Variants in PALM3 observed in about 807,000 individuals in gnomAD.
PALM3 encodes paralemmin-3.
In PALM3, 20 loss-of-function variants were observed where a neutral mutation model predicts 27.9. That is an observed-to-expected ratio of 0.72 (90% CI 0.50 to 1.04). The LOEUF is 1.04. Ranked by LOEUF, PALM3 falls within the 50% of genes least tolerant of loss-of-function variation. The pLI, the probability that PALM3 is intolerant of heterozygous loss-of-function variation, is 0.00. For synonymous variants in PALM3, 328 were observed against 352.7 expected, an observed-to-expected ratio of 0.93 and a Z score of 0.79; for missense variants, 814 against 869.4, an observed-to-expected ratio of 0.94 and a Z score of 0.80.
Position 14,054,480 on chromosome 19 carries a change from T to G in PALM3, c.1192A>C (p.Lys398Gln), listed in dbSNP as rs148708853. The G allele has an allele frequency of 1.9e-6, 3 of 1,551,490 alleles. No homozygotes were observed. The East Asian group carries it at 7.3e-5, about 38-fold the overall frequency. ...DESPLGAEGA[K>Q]TGGGEETWEA... is the part of the protein sequence containing the mutation. ...CAGGTCTCCTCGCCTCCTCCCGTCT[T>G]GGCCCCCTCGGCCCCCAGCGGGCTT... Residue 398 changes from lysine to glutamine, a missense_variant, in exon 7 of 7, where the codon AAG (lysine) becomes CAG (glutamine). Physicochemically the swap from Lys to Gln is moderately conservative, Grantham distance 53. Coordinates refer to ENST00000669674, the MANE Select transcript of PALM3 (RefSeq NM_001145028.2).
chr19:14,056,695 G>A lies in PALM3; in HGVS notation c.281C>T (p.Ala94Val). Residue 94 changes from alanine to valine, a missense_variant, in exon 4 of 7, where the codon GCC becomes GTC. Coordinates refer to ENST00000669674, the MANE Select transcript of PALM3 (RefSeq NM_001145028.2). ...DPQSPEGQAQ[A>V]RIRNLEDSLF... ...ACTGTCTTCCAGGTTCCGGATTCGG[G>A]CCTGAGCCTGGCCCTCGGGTGACTG... 1.3e-6 allele frequency: 2 copies of A among 1,551,744 alleles called. No homozygotes were observed. The highest frequency in any genetic ancestry group is 1.7e-6 in the Non-Finnish European group (2 of 1,147,000).
Position 14,054,653 on chromosome 19 carries a change from C to T in PALM3, c.1019G>A (p.Ser340Asn). The T allele has an allele frequency of 2.6e-6, 4 of 1,551,302 alleles. No individual in the cohort carries two copies. Among genetic ancestry groups the T allele is most frequent in the Non-Finnish European group, 3.5e-6 (4 of 1,146,704 alleles). Residue 340 changes from serine to asparagine, a missense_variant, in exon 7 of 7, where the codon AGC becomes AAC. By Grantham distance (46) the Ser-to-Asn change is conservative (BLOSUM62 1). Coordinates refer to ENST00000669674, the MANE Select transcript of PALM3 (RefSeq NM_001145028.2). The stretch of plus-strand genomic sequence containing the variant: ...GCCTCCCTGCCCATCACCCTCAGGG[C>T]TGCCCTGGGGCACATCTTCCCCTTC... ...SIEGEDVPQGSPEGDGQGGSG... is the reference protein window; with the variant it reads ...SIEGEDVPQGNPEGDGQGGSG...
At chr19:14,060,264 G>A (rs546457887) in intron 1 of PALM3, among the ~76,000 whole-genome samples, 1 of 151,870 alleles carries the variant, frequency 6.6e-6, no homozygotes, top group Non-Finnish European at 1.5e-5. Flanking sequence ...TGGCCACAAC[G>A]TGAAGGCTAT....
rs1314333932 is a variant in PALM3 at position 14,053,748 on chromosome 19, C to A, written c.1924G>T (p.Gly642Trp). 2 of 1,534,474 alleles carry A rather than the reference C, an allele frequency of 1.3e-6. No individual in the cohort carries two copies. The highest frequency in any genetic ancestry group is 1.8e-6 in the Non-Finnish European group (2 of 1,139,270). Residue 642 changes from glycine (G) to tryptophan (W), a missense_variant, in exon 7 of 7, where the codon GGG becomes TGG. Coordinates refer to ENST00000669674, the MANE Select transcript of PALM3 (RefSeq NM_001145028.2). ...CTGGGGTTGGCGCTGGGCCCCTCCC[C>A]CTGAAGCAGTGGCTGGCATTCGGCG... is the stretch of plus-strand genomic sequence containing the variant. ...QPAECQPLLQ[G>W]EGPSANPSAH...
chr19:14,058,385 T>G, intron 2 of PALM3, among the ~76,000 whole-genome samples: 2 of 103,024 alleles, frequency 1.9e-5, no homozygotes, highest in Admixed American at 1.1e-4. Flanking sequence ...GTTCCATAGA[T>G]GGGGAATAAA....
rs1599311721 is a variant in PALM3, at chr19:14,062,011, G to C, written c.-31C>G. ...CCCAGAAGTTCACTTTCTGGTCTCC[G>C]AGTTCTGGACCCACCACCCGCTTGC... is the stretch of plus-strand genomic sequence containing the variant. On this transcript the variant is annotated 5_prime_UTR_variant, in exon 1 of 7. Transcript: ENST00000669674. 4 of 985,136 alleles carry C rather than the reference G, an allele frequency of 4.1e-6. No homozygotes were observed. 61.0% of individuals were successfully genotyped at this position (985,136 alleles called of 1,614,324 possible).
In PALM3 at chr19:14,056,681, G is replaced by C; in HGVS notation, c.295C>G (p.Leu99Val). The change falls in exon 4 of 7, where the codon CTG (leucine) becomes GTG (valine). Residue 99 changes from leucine (L) to valine (V), a missense_variant. Transcript: ENST00000669674. Reference sequence around the variant, plus strand: ...ACTCACGTGAACAAACTGTCTTCCAGGTTCCGGATTCGGGCCTGAGCCTGG... The same window carrying C: ...ACTCACGTGAACAAACTGTCTTCCACGTTCCGGATTCGGGCCTGAGCCTGG... ...EGQAQARIRN[L>V]EDSLFTLQSQ... The C allele has an allele frequency of 6.4e-7, 1 of 1,551,774 alleles. No homozygotes were observed. Among genetic ancestry groups the C allele is most frequent in the Non-Finnish European group, 8.7e-7 (1 of 1,147,004 alleles).
intron 1 of PALM3, among the ~76,000 whole-genome samples, chr19:14,060,558 T>C (rs1976396800): frequency 6.6e-6 from 1 of 152,150 alleles, no homozygotes; most frequent in African/African-American, 2.4e-5. Flanking sequence ...GTCCATTTTA[T>C]GGATGGGAAA....
Position 14,053,927 on chromosome 19 carries a change from T to A in PALM3, c.1745A>T (p.Glu582Val), listed in dbSNP as rs1179539520. Residue 582 changes from glutamate (E) to valine (V), a missense_variant, in exon 7 of 7, where the codon GAG becomes GTG. Physicochemically the swap from Glu to Val is moderately radical, Grantham distance 121. Coordinates refer to ENST00000669674, the MANE Select transcript of PALM3 (RefSeq NM_001145028.2). ...EAGPPLEANTETRPEKEGPQP... is the reference protein window; with the variant it reads ...EAGPPLEANTVTRPEKEGPQP... ...GGGTCCTTCCTTCTCTGGCCTTGTC[T>A]CCGTGTTAGCCTCAAGGGGAGGCCC... The A allele has an allele frequency of 6.4e-7, 1 of 1,551,562 alleles. No individual in the cohort carries two copies. The highest frequency in any genetic ancestry group is 1.4e-5 in the African/African-American group (1 of 73,020).
chr19:14,056,496 T>C lies in PALM3; in HGVS notation c.332A>G (p.Gln111Arg). The change falls in exon 5 of 7, where the codon CAA becomes CGA. Residue 111 changes from glutamine to arginine, a missense_variant. Coordinates refer to ENST00000669674, the MANE Select transcript of PALM3 (RefSeq NM_001145028.2). ...ACCTGTGGAAGCACTTTGCAACAGT[T>C]GCAGCTGGGACTGGAGTCTGAAGAA... ...DSLFTLQSQL[Q>R]LLQSASTGAQ... 6.4e-7 allele frequency: 1 copy of C among 1,551,606 alleles called. No homozygotes were observed.
At chr19:14,061,156 T>A (rs1443380209) in intron 1 of PALM3, among the ~76,000 whole-genome samples, 1 of 152,162 alleles carries the variant, frequency 6.6e-6, no homozygotes. Context: ...TGGTCTCCTG[T>A]ACCACCCCCA....
chr19:14,055,334 G>A (rs767785507), intron 6 of PALM3, 46 bp downstream of exon 6: 137 of 1,532,816 alleles, frequency 8.9e-5, no homozygotes, highest in Non-Finnish European at 1.1e-4. Flanking sequence ...TCACACCCAG[G>A]CTCTGGGGTG....
rs1200142738 is a variant in PALM3 at position 14,053,606 on chromosome 19, C to T, written c.2066G>A (p.Ter689=). 2 of 1,453,152 alleles carry T rather than the reference C, an allele frequency of 1.4e-6. No individual in the cohort carries two copies. The highest frequency in any genetic ancestry group is 1.8e-6 in the Non-Finnish European group (2 of 1,100,770). 90.0% of individuals were successfully genotyped at this position (1,453,152 alleles called of 1,614,324 possible). A position where few individuals can be genotyped will look rare whatever the true frequency, so the allele number is the denominator to read the frequency against. The change falls in exon 7 of 7, where the codon TGA becomes TAA. Residue 689 remains the stop codon, a stop_retained_variant. Coordinates refer to ENST00000669674, the MANE Select transcript of PALM3 (RefSeq NM_001145028.2). ...QKTCQCCAVM[*] Reference sequence around the variant, plus strand: ...GACATGGGGTGGAGGGGCATGGGTTCACATGACCGCACAACACTGGCACGT... The same window carrying T: ...GACATGGGGTGGAGGGGCATGGGTTTACATGACCGCACAACACTGGCACGT...
At chr19:14,056,861 G>T (rs1333708882) in intron 3 of PALM3, 57 bp from the exon 4 acceptor site, 1 of 1,476,232 alleles carries the variant, frequency 6.8e-7, no homozygotes, top group East Asian at 2.5e-5. Flanking sequence ...TCCATGTAAA[G>T]TCCCCTCCCG....
At chr19:14,060,182 T>C (rs1976392514) in intron 1 of PALM3, among the ~76,000 whole-genome samples, 1 of 152,044 alleles carries the variant, frequency 6.6e-6, no homozygotes. Flanking sequence ...CAAACATTTA[T>C]TAATTTGAAC....
intron 2 of PALM3, among the ~76,000 whole-genome samples, chr19:14,058,484 G>A (rs896414841): frequency 2.6e-5 from 4 of 151,758 alleles, no homozygotes; most frequent in Admixed American, 1.3e-4. Flanking sequence ...GGATCAAAAG[G>A]AGGATGCTAG....
At chr19:14,057,800 A>G (rs1976338198) in intron 2 of PALM3, among the ~76,000 whole-genome samples, 1 of 151,898 alleles carries the variant, frequency 6.6e-6, no homozygotes, top group South Asian at 2.1e-4. Flanking sequence ...CGAGGTTAAG[A>G]GAAATGGGGA....
intron 2 of PALM3, 73 bp downstream of exon 2, chr19:14,059,042 A>T: frequency 7.3e-7 from 1 of 1,363,582 alleles, no homozygotes; most frequent in Non-Finnish European, 9.7e-7. Flanking sequence ...CTCCGCAGAG[A>T]TGACGGAGAG....
At position 14,054,924 on chromosome 19, in the gene PALM3, C is replaced by T; in HGVS notation, c.748G>A (p.Ala250Thr). The change falls in exon 7 of 7, where the codon GCC becomes ACC. Residue 250 changes from alanine to threonine, a missense_variant. Transcript: ENST00000669674. Reference sequence around the variant, plus strand: ...TTAGCCTCCAGCTCGGGGCCCGTGGCCCCTGTGGCACAGTCCTCTGTGGCC... The same window carrying T: ...TTAGCCTCCAGCTCGGGGCCCGTGGTCCCTGTGGCACAGTCCTCTGTGGCC... ...LRATEDCATGATGPELEAKVE... is the reference protein window; with the variant it reads ...LRATEDCATGTTGPELEAKVE... 8.4e-6 allele frequency: 13 copies of T among 1,549,300 alleles called. No individual in the cohort carries two copies. Among genetic ancestry groups the T allele is most frequent in the Non-Finnish European group, 1.1e-5 (13 of 1,146,946 alleles).
Sources: gnomAD v4.1 joint callset for allele counts (sites outside exome capture counted in the v4.1 genomes callset) on GRCh38, gnomAD v4.1.1 for gene constraint, MANE v1.5 for transcripts, NCBI Gene and HGNC (gene_info 2026-07-23, HGNC 2026-07-21) for gene names.